KCNN2: variants seen among roughly 807,000 people sequenced by gnomAD.
The protein encoded by KCNN2 is small conductance calcium-activated potassium channel protein 2.
Under a neutral mutation model 55.5 loss-of-function variants are expected in KCNN2, and 24 were observed. That is an observed-to-expected ratio of 0.43 (90% CI 0.31 to 0.61). KCNN2 has a LOEUF of 0.61. Among genes scored for constraint, KCNN2 ranks in the 20% least tolerant of loss-of-function variants. The pLI, the probability that KCNN2 is intolerant of heterozygous loss-of-function variation, is 0.08. For missense variants in KCNN2, 754 were observed against 853.6 expected, an observed-to-expected ratio of 0.88 and a Z score of 1.45; for synonymous variants, 431 against 336.1, an observed-to-expected ratio of 1.28 and a Z score of -3.09.
chr5:114,155,113 C>CG lies in KCNN2; in HGVS notation c.-270-66367_-270-66366insG, dbSNP rs1460104348. Among the ~76,000 whole-genome samples, 36 of 152,218 alleles carry CG rather than the reference C, an allele frequency of 2.4e-4. No homozygotes were observed. The South Asian group carries it at 5.2e-3, about 22-fold the overall frequency. On this transcript the variant is annotated intron_variant, in intron 1 of 10. Coordinates refer to the KCNN2 transcript ENST00000512097. ...TCCGTGTGTTCTCATCATTTAGCTA[C>CG]TACTACTAAGTGAGAACATGTGGTA... is the stretch of plus-strand genomic sequence containing the variant.
intron 3 of KCNN2, among the ~76,000 whole-genome samples, chr5:114,457,375 C>G (rs576690081): frequency 4.7e-4 from 72 of 152,272 alleles, no homozygotes; most frequent in African/African-American, 1.7e-3. Context: ...CTTAATAGAA[C>G]TACAGTATAG....
intron 1 of KCNN2, among the ~76,000 whole-genome samples, chr5:114,193,554 G>A (rs974502354): frequency 6.6e-6 from 1 of 152,120 alleles, no homozygotes; most frequent in Non-Finnish European, 1.5e-5. Context: ...ATGAATAAAG[G>A]AGTTACATAA....
At chr5:114,105,509 G>A (rs1363452318) in intron 1 of KCNN2, among the ~76,000 whole-genome samples, 1 of 152,040 alleles carries the variant, frequency 6.6e-6, no homozygotes, top group African/African-American at 2.4e-5. Flanking sequence ...ATTGACATGA[G>A]TCGATCTTAA....
exon 1 of KCNN2, chr5:114,056,420 C>T (rs1156978161): frequency 1.8e-5 from 7 of 398,650 alleles, no homozygotes; most frequent in Non-Finnish European, 2.7e-5. Context: ...TGTCCACTGG[C>T]GCATTTCACC....
At chr5:114,135,578 A>T (rs1345216306) in intron 1 of KCNN2, among the ~76,000 whole-genome samples, 1 of 152,224 alleles carries the variant, frequency 6.6e-6, no homozygotes, top group East Asian at 1.9e-4. Context: ...TTCTTAAATG[A>T]AACAGACTAG....
intron 1 of KCNN2, among the ~76,000 whole-genome samples, chr5:114,176,104 G>T (rs1438559838): frequency 6.6e-6 from 1 of 152,120 alleles, no homozygotes; most frequent in Non-Finnish European, 1.5e-5. Context: ...CAGCACTGAT[G>T]ACATTTTCAG....
chr5:114,367,708 A>G (rs1298881416), intron 2 of KCNN2, among the ~76,000 whole-genome samples: 2 of 152,078 alleles, frequency 1.3e-5, no homozygotes, highest in Non-Finnish European at 2.9e-5. Context: ...CTGATGGATA[A>G]AGTACAAAAC....
chr5:114,233,228 C>T (rs1580644204), intron 2 of KCNN2, among the ~76,000 whole-genome samples: 1 of 152,184 alleles, frequency 6.6e-6, no homozygotes, highest in Non-Finnish European at 1.5e-5. Context: ...CCTATTGTTT[C>T]TTGTTTTAAC....
intron 3 of KCNN2, among the ~76,000 whole-genome samples, chr5:114,455,784 T>A (rs1383348295): frequency 6.6e-6 from 1 of 152,110 alleles, no homozygotes; most frequent in Non-Finnish European, 1.5e-5. Context: ...ATGGAGAAAG[T>A]TTGAGTAGTC....
At chr5:114,095,762 G>A (rs1034151837) in intron 1 of KCNN2, among the ~76,000 whole-genome samples, 9 of 152,090 alleles carry the variant, frequency 5.9e-5, no homozygotes. Flanking sequence ...TCCTCTCCCT[G>A]CTGTAGTCTA....
intron 2 of KCNN2, among the ~76,000 whole-genome samples, chr5:114,386,244 T>G (rs930098201): frequency 6.6e-6 from 1 of 151,566 alleles, no homozygotes; most frequent in Non-Finnish European, 1.5e-5. Flanking sequence ...AAAATCACAC[T>G]GCTTGAGAGC....
At chr5:114,452,628 T>TA (rs771512352) in intron 3 of KCNN2, among the ~76,000 whole-genome samples, 6 of 152,300 alleles carry the variant, frequency 3.9e-5, no homozygotes, top group East Asian at 1.9e-4. Context: ...GGGGAGCTTT[T>TA]AAAAAATCCC....
intron 1 of KCNN2, among the ~76,000 whole-genome samples, chr5:114,153,293 G>T (rs769099811): frequency 6.6e-6 from 1 of 152,044 alleles, no homozygotes; most frequent in African/African-American, 2.4e-5. Flanking sequence ...TGCACTTCTC[G>T]CCCACCTCCA....
intron 1 of KCNN2, among the ~76,000 whole-genome samples, chr5:114,140,329 T>G (rs1027161643): frequency 2.6e-5 from 4 of 152,236 alleles, no homozygotes; most frequent in Non-Finnish European, 5.9e-5. Context: ...TGCCAGCCTC[T>G]GACACATTTC....
intron 1 of KCNN2, among the ~76,000 whole-genome samples, chr5:114,211,835 T>C (rs954221604): frequency 1.3e-5 from 2 of 152,004 alleles, no homozygotes; most frequent in African/African-American, 4.8e-5. Flanking sequence ...ATGTTCAGAC[T>C]TTTATTTGGG....
chr5:114,449,119 A>T (rs564577675), intron 3 of KCNN2, among the ~76,000 whole-genome samples: 1 of 152,278 alleles, frequency 6.6e-6, no homozygotes, highest in East Asian at 1.9e-4. Flanking sequence ...ACTTCTTGTC[A>T]CTGAACTTCC....
At chr5:114,450,254 TTAAG>T (rs953025730) in intron 3 of KCNN2, among the ~76,000 whole-genome samples, 39 of 152,268 alleles carry the variant, frequency 2.6e-4, no homozygotes, top group African/African-American at 7.0e-4. Context: ...ATGGATTAGA[TTAAG>T]TGTTTTTGAA....
Position 114,274,936 on chromosome 5 carries a change from AG to A in KCNN2, c.-185+53372del, listed in dbSNP as rs535571523. On this transcript the variant is annotated intron_variant, in intron 2 of 10. Transcript: ENST00000512097. ...GCCGGTTTTCAAAGGGAATGCTTCC[AG>A]TTTTTGCCAATTCAGTGATATTGGC... is the stretch of plus-strand genomic sequence containing the variant. 1.3e-3 allele frequency among the ~76,000 whole-genome samples: 199 copies of A among 152,186 alleles called. 4 individuals are homozygous for A. Among genetic ancestry groups the A allele is most frequent in the Admixed American group, 0.01 (157 of 15,278 alleles).
chr5:114,468,067 C>G (rs377116163), intron 4 of KCNN2, among the ~76,000 whole-genome samples: 1 of 152,134 alleles, frequency 6.6e-6, no homozygotes, highest in South Asian at 2.1e-4. Flanking sequence ...ACACACTCTC[C>G]CCTCTTTTCT....
Sources: gnomAD v4.1 joint callset for allele counts (sites outside exome capture counted in the v4.1 genomes callset) on GRCh38, gnomAD v4.1.1 for gene constraint, MANE v1.5 for transcripts, NCBI Gene and HGNC (gene_info 2026-07-23, HGNC 2026-07-21) for gene names.